Variants in STXBP6 observed in about 807,000 individuals in gnomAD.
STXBP6 encodes syntaxin-binding protein 6.
Under a neutral mutation model 26.9 loss-of-function variants are expected in STXBP6, and 21 were observed. The ratio of observed to expected loss-of-function variants is 0.78; its 90% CI spans 0.55 to 1.12. The LOEUF (loss-of-function observed/expected upper bound fraction) is 1.12, where lower values mean the gene tolerates loss of function less well. Among genes scored for constraint, STXBP6 ranks in the 50% most tolerant of loss-of-function variants. The pLI, the probability that STXBP6 is intolerant of heterozygous loss-of-function variation, is 0.00. For synonymous variants in STXBP6, 97 were observed against 92.6 expected, an observed-to-expected ratio of 1.05 and a Z score of -0.27; for missense variants, 232 against 257.9, an observed-to-expected ratio of 0.90 and a Z score of 0.69.
intron 2 of STXBP6, among the ~76,000 whole-genome samples, chr14:24,881,127 T>C (rs981554933): frequency 1.3e-5 from 2 of 152,154 alleles, no homozygotes; most frequent in African/African-American, 4.8e-5. Context: ...TCTGTTTTTT[T>C]TTTTTCTACA....
rs779285689 is a variant in STXBP6, at chr14:25,009,359, A to G, written c.-32-34509T>C. On this transcript the variant is annotated intron_variant, in intron 1 of 5. Coordinates refer to ENST00000323944, the MANE Select transcript of STXBP6 (RefSeq NM_001394410.1). ...CTTCTCTTAAGCTCATTTGCTGATT[A>G]CTTGGGTTCCTTGTTTTTCCATTTT... Among the ~76,000 whole-genome samples, 182 of 152,194 alleles carry G rather than the reference A, an allele frequency of 1.2e-3. 2 individuals are homozygous for G. Among genetic ancestry groups the G allele is most frequent in the Non-Finnish European group, 4.1e-4 (28 of 68,032 alleles).
intron 2 of STXBP6, among the ~76,000 whole-genome samples, chr14:24,871,914 G>A (rs2069950663): frequency 6.6e-6 from 1 of 152,200 alleles, no homozygotes; most frequent in Non-Finnish European, 1.5e-5. Flanking sequence ...CTGCTCGAGA[G>A]TCTTTACTAA....
intron 2 of STXBP6, among the ~76,000 whole-genome samples, chr14:24,948,250 T>C (rs1335595408): frequency 6.6e-6 from 1 of 152,164 alleles, no homozygotes; most frequent in Non-Finnish European, 1.5e-5. Flanking sequence ...CTGAGGCTTC[T>C]AGGTGGTGGC....
intron 2 of STXBP6, among the ~76,000 whole-genome samples, chr14:24,918,032 G>A (rs982836845): frequency 6.6e-6 from 1 of 152,038 alleles, no homozygotes; most frequent in African/African-American, 2.4e-5. Context: ...AGGCTGTATG[G>A]TTCCAGTGAT....
chr14:24,903,560 G>T (rs2071286534), intron 2 of STXBP6, among the ~76,000 whole-genome samples: 1 of 151,958 alleles, frequency 6.6e-6, no homozygotes, highest in Non-Finnish European at 1.5e-5. Context: ...AGTCACAACT[G>T]GTACATAACT....
At chr14:24,909,705 T>C (rs1253085923) in intron 2 of STXBP6, among the ~76,000 whole-genome samples, 2 of 151,446 alleles carry the variant, frequency 1.3e-5, no homozygotes, top group African/African-American at 4.8e-5. Flanking sequence ...TCCAGAGCAT[T>C]GTACTTACCA....
chr14:24,841,002 AT>A (rs1295924031), intron 4 of STXBP6, among the ~76,000 whole-genome samples: 1 of 152,328 alleles, frequency 6.6e-6, no homozygotes, highest in East Asian at 1.9e-4. Flanking sequence ...TAATTTTAAA[AT>A]AATCATTAAG....
chr14:24,905,713 A>G (rs1417927223), intron 2 of STXBP6, among the ~76,000 whole-genome samples: 1 of 152,200 alleles, frequency 6.6e-6, no homozygotes, highest in Non-Finnish European at 1.5e-5. Flanking sequence ...GCTGTCTTTC[A>G]TTTACTTCAA....
intron 1 of STXBP6, among the ~76,000 whole-genome samples, chr14:25,010,879 T>G (rs1050241377): frequency 1.1e-4 from 17 of 152,092 alleles, no homozygotes; most frequent in Admixed American, 3.3e-4. Context: ...TCAAAGCCCA[T>G]CCTATGAAAG....
chr14:24,822,481 C>G (rs959386904), intron 4 of STXBP6, among the ~76,000 whole-genome samples: 6 of 152,116 alleles, frequency 3.9e-5, no homozygotes, highest in African/African-American at 9.7e-5. Context: ...ATTCAACATT[C>G]AAAACTATTC....
At chr14:24,930,912 C>A (rs1475562241) in intron 2 of STXBP6, among the ~76,000 whole-genome samples, 12 of 147,130 alleles carry the variant, frequency 8.2e-5, no homozygotes, top group African/African-American at 3.1e-4. Flanking sequence ...GAGATCGAGA[C>A]CATCCTGGCT....
chr14:25,028,709 G>C (rs1316067438), intron 1 of STXBP6, among the ~76,000 whole-genome samples: 1 of 152,118 alleles, frequency 6.6e-6, no homozygotes, highest in Non-Finnish European at 1.5e-5. Flanking sequence ...AGCTGCCATA[G>C]ACAGTGATTC....
At chr14:24,979,085 C>A (rs1278154608) in intron 1 of STXBP6, among the ~76,000 whole-genome samples, 1 of 152,166 alleles carries the variant, frequency 6.6e-6, no homozygotes, top group African/African-American at 2.4e-5. Context: ...AAATATTTTT[C>A]ATGTGAGAAG....
At chr14:24,987,194 T>A (rs1021828291) in intron 1 of STXBP6, among the ~76,000 whole-genome samples, 1 of 152,196 alleles carries the variant, frequency 6.6e-6, no homozygotes, top group South Asian at 2.1e-4. Context: ...GGGATCACCA[T>A]CCAAAAGCTG....
At chr14:24,918,263 G>T (rs2071840727) in intron 2 of STXBP6, among the ~76,000 whole-genome samples, 1 of 151,852 alleles carries the variant, frequency 6.6e-6, no homozygotes, top group African/African-American at 2.4e-5. Context: ...AAACTTCAGG[G>T]TTATGAATTA....
chr14:24,816,882 A>C (rs1396180653), intron 5 of STXBP6: 1 of 152,106 alleles, frequency 6.6e-6, no homozygotes, highest in African/African-American at 2.4e-5. Context: ...ATCCCTCTAC[A>C]GTGCTCATTA....
Position 25,049,131 on chromosome 14 carries a change from T to C in STXBP6, c.-33+747A>G. ...CTGCAGGTCCTGTCCTCTGTGAAGA[T>C]GAACGGGGTGGGGTGGTGAGGTGGC... On this transcript the variant is annotated intron_variant, in intron 1 of 5. Transcript: ENST00000323944. The surrounding 1 kb of genome is among the most constrained non-coding windows in gnomAD (Gnocchi z 5.6). 3.1e-6 allele frequency: 3 copies of C among 983,044 alleles called. No individual in the cohort carries two copies. Among genetic ancestry groups the C allele is most frequent in the Non-Finnish European group, 3.6e-6 (3 of 827,774 alleles). 60.9% of individuals were successfully genotyped at this position (983,044 alleles called of 1,614,324 possible).
chr14:24,855,891 G>A (rs1566414334), intron 4 of STXBP6, 45 bp downstream of exon 4: 1 of 1,538,742 alleles, frequency 6.5e-7, no homozygotes, highest in East Asian at 2.3e-5. Flanking sequence ...GTAAAAGTGA[G>A]TCTAAAGAAA....
intron 1 of STXBP6, among the ~76,000 whole-genome samples, chr14:24,998,516 A>C (rs965354865): frequency 6.6e-6 from 1 of 152,218 alleles, no homozygotes; most frequent in Non-Finnish European, 1.5e-5. Flanking sequence ...AAGCTCTTTC[A>C]ATCAAATTAC....
Sources: allele counts gnomAD v4.1 joint callset (sites outside exome capture counted in the v4.1 genomes callset), GRCh38; gene constraint gnomAD v4.1.1; non-coding constraint Gnocchi (gnomAD v3.1); transcripts MANE v1.5; gene names NCBI Gene and HGNC (gene_info 2026-07-23, HGNC 2026-07-21).